DNAH9: variants seen among roughly 807,000 people sequenced by gnomAD.
DNAH9 encodes the protein dynein axonemal heavy chain 9.
In DNAH9, 345 loss-of-function variants were observed where a neutral mutation model predicts 471.6. That is an observed-to-expected ratio of 0.73 (90% CI 0.67 to 0.80). The LOEUF is 0.80. DNAH9 is among the 30% of genes least tolerant of loss of function. The pLI is 0.00. For synonymous variants in DNAH9, 2,093 were observed against 2,123.6 expected (o/e 0.99, Z 0.40); for missense variants, 5,407 against 5,609.2 (o/e 0.96, Z 1.15).
intron 56 of DNAH9, 51 bp from the exon 57 acceptor site, chr17:11,886,774 A>G (rs902390773): frequency 6.4e-7 from 1 of 1,554,530 alleles, no homozygotes; most frequent in East Asian, 2.3e-5. Flanking sequence ...GTTGATTCTC[A>G]GGAAGCCCAG....
chr17:11,919,045 CAGTT>C (rs1412999060), intron 61 of DNAH9, among the ~76,000 whole-genome samples: 2 of 151,988 alleles, frequency 1.3e-5, no homozygotes, highest in Non-Finnish European at 2.9e-5. Context: ...ATTTAAATGA[CAGTT>C]AAAGTGACAG....
At chr17:11,766,157 A>G (rs1967926627) in intron 36 of DNAH9, among the ~76,000 whole-genome samples, 1 of 152,124 alleles carries the variant, frequency 6.6e-6, no homozygotes. Flanking sequence ...AAAGCTAAAC[A>G]CCAAAAATAG....
intron 48 of DNAH9, among the ~76,000 whole-genome samples, chr17:11,831,298 G>A (rs1389111897): frequency 6.6e-6 from 1 of 152,172 alleles, no homozygotes; most frequent in African/African-American, 2.4e-5. Context: ...AGGGAAAGTG[G>A]AGCTGATGTG....
At chr17:11,598,949 G>T in intron 1 of DNAH9, 34 bp downstream of exon 1, 1 of 1,434,034 alleles carries the variant, frequency 7.0e-7, no homozygotes, top group Non-Finnish European at 9.1e-7. Context: ...CGCGGCTAAA[G>T]CTGGGTGGGG....
At chr17:11,642,582 G>C (rs2073297451) in intron 10 of DNAH9, among the ~76,000 whole-genome samples, 1 of 152,186 alleles carries the variant, frequency 6.6e-6, no homozygotes, top group Admixed American at 6.5e-5. Flanking sequence ...TTCTATAATA[G>C]GTATTGATTG....
At chr17:11,911,967 A>G (rs1386681753) in intron 61 of DNAH9, among the ~76,000 whole-genome samples, 2 of 152,186 alleles carry the variant, frequency 1.3e-5, no homozygotes, top group African/African-American at 4.8e-5. Flanking sequence ...CAGTTACAAG[A>G]CCATGTTATC....
intron 5 of DNAH9, 142 bp downstream of exon 5, chr17:11,617,764 T>C: frequency 1.6e-6 from 1 of 637,668 alleles, no homozygotes; most frequent in Non-Finnish European, 2.7e-6. Context: ...ATTACAGTAT[T>C]TTACTCTCAG....
At chr17:11,786,254 A>G (rs1386574733) in intron 41 of DNAH9, among the ~76,000 whole-genome samples, 5 of 152,174 alleles carry the variant, frequency 3.3e-5, no homozygotes, top group African/African-American at 1.2e-4. Context: ...AATACTCACG[A>G]CAACCCTTTG....
chr17:11,635,694 C>A (rs2073150059), intron 8 of DNAH9, among the ~76,000 whole-genome samples: 1 of 152,098 alleles, frequency 6.6e-6, no homozygotes, highest in South Asian at 2.1e-4. Context: ...CTCAGAAAAG[C>A]ATCACAATGG....
chr17:11,894,784 G>A (rs1973172426), intron 59 of DNAH9, among the ~76,000 whole-genome samples: 1 of 152,138 alleles, frequency 6.6e-6, no homozygotes, highest in Non-Finnish European at 1.5e-5. Context: ...TCACCTACCA[G>A]GGCTTAAGGC....
At chr17:11,608,434 T>A (rs969261781) in intron 2 of DNAH9, 109 bp downstream of exon 2, 1 of 850,978 alleles carries the variant, frequency 1.2e-6, no homozygotes, top group East Asian at 2.5e-5. Flanking sequence ...ATCTCCTCGT[T>A]CTGCACACAA....
At chr17:11,896,580 G>T (rs2151008158) in intron 59 of DNAH9, among the ~76,000 whole-genome samples, 1 of 152,074 alleles carries the variant, frequency 6.6e-6, no homozygotes, top group African/African-American at 2.4e-5. Context: ...GAAATAAGGG[G>T]GTACTCCATT....
chr17:11,823,605 T>C (rs1450849405), intron 48 of DNAH9, among the ~76,000 whole-genome samples: 4 of 152,234 alleles, frequency 2.6e-5, no homozygotes, highest in Non-Finnish European at 5.9e-5. Context: ...TAAGTAGTCA[T>C]CTATCTCTAT....
chr17:11,806,924 G>A (rs575190517), intron 43 of DNAH9, among the ~76,000 whole-genome samples: 2 of 152,276 alleles, frequency 1.3e-5, no homozygotes, highest in Non-Finnish European at 2.9e-5. Context: ...GATTGGAAGC[G>A]GATCCTGGAG....
chr17:11,804,294 A>G (rs1200729322), intron 43 of DNAH9, among the ~76,000 whole-genome samples: 2 of 152,246 alleles, frequency 1.3e-5, no homozygotes, highest in African/African-American at 2.4e-5. Flanking sequence ...TTTTAACTAC[A>G]TAAAATTTAG....
chr17:11,916,149 C>T lies in DNAH9; in HGVS notation c.11750-7665C>T, dbSNP rs149131586. Among the ~76,000 whole-genome samples, 467 of 152,090 alleles carry T rather than the reference C, an allele frequency of 3.1e-3. 5 individuals carry two copies. The highest frequency in any genetic ancestry group is 0.011 in the African/African-American group (440 of 41,478). ...TTCCTCATTTTTATTCAGTATTTTC[C>T]CCTTTGGAAGCTTTCATATACCCTG... is the stretch of plus-strand genomic sequence containing the variant. On this transcript the variant is annotated intron_variant, in intron 61 of 68. Transcript: ENST00000262442.
At chr17:11,856,692 C>T (rs1245775346) in intron 50 of DNAH9, among the ~76,000 whole-genome samples, 9 of 151,526 alleles carry the variant, frequency 5.9e-5, no homozygotes, top group Admixed American at 3.9e-4. Context: ...GGCAACACAG[C>T]GAGACCCTGT....
At chr17:11,640,407 A>G (rs1597420160) in intron 10 of DNAH9, 23 bp downstream of exon 10, 13 of 1,498,648 alleles carry the variant, frequency 8.7e-6, no homozygotes, top group Non-Finnish European at 1.2e-5. Context: ...TTCCTGAAAG[A>G]CAGGCTTGTC....
chr17:11,844,671 C>T (rs1000934999), intron 49 of DNAH9, among the ~76,000 whole-genome samples: 1 of 152,164 alleles, frequency 6.6e-6, no homozygotes, highest in African/African-American at 2.4e-5. Context: ...TCCCAAAGTG[C>T]TTGGATTACA....
Sources: allele counts gnomAD v4.1 joint callset (sites outside exome capture counted in the v4.1 genomes callset), GRCh38; gene constraint gnomAD v4.1.1; transcripts MANE v1.5; gene names NCBI Gene and HGNC (gene_info 2026-07-23, HGNC 2026-07-21).